Variants in DAAM2 observed in about 807,000 individuals in gnomAD.
DAAM2 encodes dishevelled associated activator of morphogenesis 2, also known as disheveled-associated activator of morphogenesis 2.
A neutral mutation model predicts 120.7 loss-of-function variants in DAAM2; 39 were observed. That is an observed-to-expected ratio of 0.32 (90% confidence interval 0.25 to 0.42). The LOEUF is 0.42. DAAM2 is among the 10% of genes least tolerant of loss of function. The pLI, the probability that DAAM2 is intolerant of heterozygous loss-of-function variation, is 1.00. For synonymous variants in DAAM2, 488 were observed against 524.9 expected (o/e 0.93, Z 0.96); for missense variants, 1,283 against 1,401.7 (o/e 0.92, Z 1.35).
intron 1 of DAAM2, among the ~76,000 whole-genome samples, chr6:39,833,664 A>C (rs962730283): frequency 6.6e-6 from 1 of 152,108 alleles, no homozygotes; most frequent in Non-Finnish European, 1.5e-5. Flanking sequence ...ACCTTGTATC[A>C]ACTGTTCCTC....
intron 1 of DAAM2, among the ~76,000 whole-genome samples, chr6:39,844,517 C>T (rs76735431): frequency 0.018 from 2,677 of 152,202 alleles, 97 homozygotes; most frequent in African/African-American, 0.061. Flanking sequence ...ATTCTGACCT[C>T]TCTGGGTTGT....
chr6:39,860,131 G>A (rs139657563), intron 2 of DAAM2, among the ~76,000 whole-genome samples: 701 of 152,292 alleles, frequency 4.6e-3, no homozygotes, highest in African/African-American at 9.1e-3. Flanking sequence ...TTCAGGGGCC[G>A]TCTAGCACAG....
chr6:39,831,472 T>A (rs1295898687), intron 1 of DAAM2, among the ~76,000 whole-genome samples: 1 of 152,100 alleles, frequency 6.6e-6, no homozygotes, highest in Admixed American at 6.5e-5. Flanking sequence ...CTATTATTAT[T>A]CTCATTTTCA....
rs58404926 is a variant in DAAM2, at chr6:39,900,021, G to C, written c.2680-56G>C. 639 of 1,558,142 alleles carry C rather than the reference G, an allele frequency of 4.1e-4. 10 individuals carry two copies. In the East Asian group the frequency reaches 0.015, roughly 37 times the overall value. Reference sequence around the variant, plus strand: ...GACGAGGGGAGATGTGGTGACCCCTGCACCCGACTCTCATCTTGGCACCAG... The same window carrying C: ...GACGAGGGGAGATGTGGTGACCCCTCCACCCGACTCTCATCTTGGCACCAG... On this transcript the variant is annotated intron_variant, in intron 22 of 24. Coordinates refer to ENST00000274867, the MANE Select transcript of DAAM2 (RefSeq NM_001201427.2).
rs57961847 is a variant in DAAM2, at chr6:39,882,943, G to A, written c.1846-1019G>A. Among the ~76,000 whole-genome samples, 1,408 of 152,212 alleles carry A rather than the reference G, an allele frequency of 9.3e-3. 116 individuals are homozygous for A. In the East Asian group the frequency reaches 0.2, roughly 21 times the overall value. ...CCAGAGTTTAAGAAAATAACAGTGA[G>A]TGAAAGGTATGTTTCTCTCTCCAAG... On this transcript the variant is annotated intron_variant, in intron 14 of 24. Transcript: ENST00000274867.
chr6:39,871,158 G>A (rs944748613), intron 8 of DAAM2, among the ~76,000 whole-genome samples: 3 of 152,192 alleles, frequency 2.0e-5, no homozygotes, highest in African/African-American at 4.8e-5. Context: ...AGGGGGTGCT[G>A]CTGGCATCTA....
At chr6:39,876,406 G>T (rs1764869544) in intron 11 of DAAM2, among the ~76,000 whole-genome samples, 1 of 152,098 alleles carries the variant, frequency 6.6e-6, no homozygotes, top group African/African-American at 2.4e-5. Context: ...AATCCTAATT[G>T]GTATGTTGGA....
At chr6:39,869,270 G>A (rs542940766) in intron 7 of DAAM2, among the ~76,000 whole-genome samples, 1 of 152,278 alleles carries the variant, frequency 6.6e-6, no homozygotes, top group South Asian at 2.1e-4. Flanking sequence ...TTTGGGGTCA[G>A]AATGGGATTC....
At chr6:39,818,107 A>G (rs577094463) in intron 1 of DAAM2, among the ~76,000 whole-genome samples, 3 of 140,000 alleles carry the variant, frequency 2.1e-5, no homozygotes, top group African/African-American at 7.9e-5. Flanking sequence ...TGAAGCTGGG[A>G]GGTGGAGGCT....
intron 1 of DAAM2, among the ~76,000 whole-genome samples, chr6:39,798,873 A>G (rs1761778584): frequency 1.4e-5 from 1 of 71,106 alleles, no homozygotes; most frequent in South Asian, 5.9e-4. Context: ...CTGTCATCAC[A>G]TTGAACACAT....
intron 1 of DAAM2, among the ~76,000 whole-genome samples, chr6:39,794,516 A>G (rs1561988725): frequency 6.6e-6 from 1 of 152,216 alleles, no homozygotes; most frequent in Non-Finnish European, 1.5e-5. Context: ...ATTAGAACTT[A>G]GAGAGTCAGG....
At chr6:39,900,795 A>G (rs1166174564) in intron 23 of DAAM2, among the ~76,000 whole-genome samples, 1 of 152,192 alleles carries the variant, frequency 6.6e-6, no homozygotes, top group Admixed American at 6.5e-5. Flanking sequence ...AGTTGAATTA[A>G]CAATGGTAGC....
At chr6:39,856,119 T>TG in intron 1 of DAAM2, 128 bp from the exon 2 acceptor site, 4 of 509,084 alleles carry the variant, frequency 7.9e-6, no homozygotes, top group Non-Finnish European at 1.1e-5. Flanking sequence ...GCGGGGTGGG[T>TG]GGGGCTTTGC....
rs373169061 is a variant in DAAM2 at position 39,878,246 on chromosome 6, G to C, written c.1345G>C (p.Glu449Gln). ...AGTGAAACAGTGGCGAGACCAGGCA[G>C]AGAAGTTCCGGAAAGGTGAGGGGCT... Reference protein sequence around the residue: ...NEVKQWRDQAEKFRKEHMELV... With the variant: ...NEVKQWRDQAQKFRKEHMELV... The change falls in exon 12 of 25, where the codon GAG (glutamate) becomes CAG (glutamine). Residue 449 changes from glutamate to glutamine, a missense_variant. By Grantham distance (29) the Glu-to-Gln change is conservative. Coordinates refer to ENST00000274867, the MANE Select transcript of DAAM2 (RefSeq NM_001201427.2). This position sits in a 1 kb window ranked among gnomAD's most constrained non-coding sequence, Gnocchi z 5.0. 1.2e-6 allele frequency: 2 copies of C among 1,614,004 alleles called. No individual in the cohort carries two copies. Among genetic ancestry groups the C allele is most frequent in the Non-Finnish European group, 1.7e-6 (2 of 1,179,882 alleles).
Position 39,878,311 on chromosome 6 carries a change from G to C in DAAM2, c.1360+50G>C. ...TGTCCACTCCACATGCCCTTCCCCT[G>C]CCCAGCCCATAACTCCATGCCCTTC... On this transcript the variant is annotated intron_variant, in intron 12 of 24. Transcript: ENST00000274867. This position sits in a 1 kb window ranked among gnomAD's most constrained non-coding sequence, Gnocchi z 5.0. The C allele has an allele frequency of 1.9e-6, 3 of 1,612,310 alleles. No homozygotes were observed. Among genetic ancestry groups the C allele is most frequent in the African/African-American group, 1.3e-5 (1 of 75,016 alleles).
chr6:39,888,661 GGT>G lies in DAAM2; in HGVS notation c.2061-16_2061-15del. ...AGGTTTGAGGGCTGTCCTGGATTGA[GGT>G]GGGGTTTTGCCTTAGGTTGAAGCTT... On this transcript the variant is annotated splice_polypyrimidine_tract_variant and intron_variant, in intron 16 of 24. Coordinates refer to ENST00000274867, the MANE Select transcript of DAAM2 (RefSeq NM_001201427.2). 1 of 1,612,150 alleles carries G rather than the reference GGT, an allele frequency of 6.2e-7. No individual in the cohort carries two copies. Among genetic ancestry groups the G allele is most frequent in the Non-Finnish European group, 8.5e-7 (1 of 1,178,604 alleles).
chr6:39,899,581 A>C (rs1410592867), intron 22 of DAAM2: 1 of 159,874 alleles, frequency 6.3e-6, no homozygotes, highest in Non-Finnish European at 1.4e-5. Context: ...AGACAGATTA[A>C]GGATGACAAA....
intron 16 of DAAM2, 112 bp from the exon 17 acceptor site, chr6:39,888,567 A>G: frequency 1.3e-6 from 1 of 780,980 alleles, no homozygotes; most frequent in Non-Finnish European, 2.1e-6. Flanking sequence ...AGGGGGGAAT[A>G]CTATTAAATA....
rs147061253 is a variant in DAAM2 at position 39,873,060 on chromosome 6, T to C, written c.1045-178T>C. ...GTGCTGAGACTGAGAAACTCTAGTTTATAAAATTGACTATCTCCCTGTTCC... is the reference window on the plus strand; with the variant it reads ...GTGCTGAGACTGAGAAACTCTAGTTCATAAAATTGACTATCTCCCTGTTCC... On this transcript the variant is annotated intron_variant, in intron 9 of 24. Coordinates refer to ENST00000274867, the MANE Select transcript of DAAM2 (RefSeq NM_001201427.2). Among the ~76,000 whole-genome samples the C allele has an allele frequency of 3.0e-3, 461 of 152,324 alleles. 1 individual carries two copies. The highest frequency in any genetic ancestry group is 0.01 in the African/African-American group (435 of 41,574).
Sources: allele counts gnomAD v4.1 joint callset (sites outside exome capture counted in the v4.1 genomes callset), GRCh38; gene constraint gnomAD v4.1.1; non-coding constraint Gnocchi (gnomAD v3.1); transcripts MANE v1.5; gene names NCBI Gene and HGNC (gene_info 2026-07-23, HGNC 2026-07-21).